The following RANBP2 variants were observed in gnomAD, a reference collection of about 807,000 sequenced individuals.
RANBP2 encodes E3 SUMO-protein ligase RanBP2.
A neutral mutation model predicts 303.6 loss-of-function variants in RANBP2; 57 were observed. The ratio of observed to expected loss-of-function variants is 0.19; its 90% CI spans 0.15 to 0.23. The LOEUF (loss-of-function observed/expected upper bound fraction) is 0.23. Ranked by LOEUF, RANBP2 falls within the 10% of genes least tolerant of loss-of-function variation. RANBP2 has a pLI of 1.00. For missense variants in RANBP2, 3,138 were observed against 3,780.8 expected (o/e 0.83, Z 4.46); for synonymous variants, 1,167 against 1,301.5 (o/e 0.90, Z 2.23).
At chr2:109,578,324 G>A in the RANBP2 span, among the ~76,000 whole-genome samples, 317 of 152,274 alleles carry the variant, frequency 2.1e-3, no homozygotes, top group African/African-American at 6.7e-3. Context: ...AAGGTTGAAA[G>A]TAAAGGGACT....
the RANBP2 span, among the ~76,000 whole-genome samples, chr2:108,941,831 T>C: frequency 6.6e-6 from 1 of 152,240 alleles, no homozygotes; most frequent in South Asian, 2.1e-4. Context: ...ACTTCTGCCC[T>C]GGTCCCAGCA....
At chr2:109,114,222 C>T in the RANBP2 span, among the ~76,000 whole-genome samples, 1 of 152,210 alleles carries the variant, frequency 6.6e-6, no homozygotes, top group African/African-American at 2.4e-5. Flanking sequence ...ACCAGTTCCT[C>T]CTTGTACCTC....
At chr2:109,141,915 T>A in the RANBP2 span, among the ~76,000 whole-genome samples, 1 of 152,004 alleles carries the variant, frequency 6.6e-6, no homozygotes, top group Non-Finnish European at 1.5e-5. Context: ...TCCTGCAAGC[T>A]CTGCAGGTGG....
the RANBP2 span, among the ~76,000 whole-genome samples, chr2:109,622,247 T>A: frequency 6.6e-6 from 1 of 152,194 alleles, no homozygotes; most frequent in Non-Finnish European, 1.5e-5. Flanking sequence ...ACAAAGCTAG[T>A]TCTTAGCAGT....
In RANBP2 at chr2:108,763,417, G is replaced by A; in HGVS notation, c.2878G>A (p.Asp960Asn). 3 of 1,614,004 alleles carry A rather than the reference G, an allele frequency of 1.9e-6. No individual in the cohort carries two copies. The African/African-American group carries it at 4.0e-5, about 22-fold the overall frequency. Residue 960 changes from aspartate to asparagine, a missense_variant, in exon 20 of 29, where the codon GAT becomes AAT. Physicochemically the swap from Asp to Asn is conservative, Grantham distance 23. Around this residue, in one of 20 missense-constraint regions of RANBP2, gnomAD observed 403 missense variants for 376.7 expected, o/e 1.07. Transcript: ENST00000283195. Reference sequence around the variant, plus strand: ...GGGAATTCTATCGCCCAGGGGTGATGATTACTTTAATTACAATGTTCAACA... The same window carrying A: ...GGGAATTCTATCGCCCAGGGGTGATAATTACTTTAATTACAATGTTCAACA... The part of the protein sequence containing the change: ...ATGILSPRGD[D>N]YFNYNVQQTS...
the RANBP2 span, chr2:109,585,086 A>G: frequency 7.4e-7 from 1 of 1,351,252 alleles, no homozygotes; most frequent in East Asian, 2.4e-5. Flanking sequence ...ATGTCTTGAA[A>G]TAAGAAAAAC....
At chr2:108,791,769 A>G in the RANBP2 span, 1 of 1,598,134 alleles carries the variant, frequency 6.3e-7, no homozygotes, top group Non-Finnish European at 8.5e-7. Context: ...TACCTCGAAA[A>G]TAACCAAGCA....
chr2:109,588,663 G>A, the RANBP2 span, among the ~76,000 whole-genome samples: 2 of 151,814 alleles, frequency 1.3e-5, no homozygotes, highest in African/African-American at 4.8e-5. Flanking sequence ...GCTAATTTTT[G>A]TATTTTTAAT....
the RANBP2 span, among the ~76,000 whole-genome samples, chr2:109,191,150 G>A: frequency 6.6e-6 from 1 of 152,122 alleles, no homozygotes; most frequent in African/African-American, 2.4e-5. Flanking sequence ...TGAGAGTAGA[G>A]GGTCCCCAAC....
chr2:109,034,614 C>A, the RANBP2 span, among the ~76,000 whole-genome samples: 1 of 152,340 alleles, frequency 6.6e-6, no homozygotes, highest in African/African-American at 2.4e-5. Context: ...TGGCTCAGGC[C>A]ACTTCATGGA....
chr2:109,116,051 T>G, the RANBP2 span, among the ~76,000 whole-genome samples: 1 of 152,178 alleles, frequency 6.6e-6, no homozygotes, highest in African/African-American at 2.4e-5. Flanking sequence ...TTTCTCTCTG[T>G]TTGCCCTTAA....
the RANBP2 span, among the ~76,000 whole-genome samples, chr2:108,945,807 TGAAAG>T: frequency 6.6e-6 from 1 of 152,138 alleles, no homozygotes; most frequent in Non-Finnish European, 1.5e-5. Context: ...AAGCCAGTCA[TGAAAG>T]GACAAATATC....
chr2:109,047,199 C>T, the RANBP2 span, among the ~76,000 whole-genome samples: 1 of 152,182 alleles, frequency 6.6e-6, no homozygotes, highest in Non-Finnish European at 1.5e-5. Flanking sequence ...CCCTGGGCCT[C>T]AACACAGCCC....
the RANBP2 span, among the ~76,000 whole-genome samples, chr2:109,285,675 G>C: frequency 9.9e-5 from 15 of 152,196 alleles, no homozygotes; most frequent in Admixed American, 5.9e-4. Flanking sequence ...ATGGGGAAAA[G>C]TTCACTTGGG....
chr2:109,536,052 T>TGGG, the RANBP2 span, among the ~76,000 whole-genome samples: 12 of 87,576 alleles, frequency 1.4e-4, no homozygotes, highest in African/African-American at 5.0e-4. Flanking sequence ...TGGGTGGGGG[T>TGGG]GGGGGGGGGG....
At chr2:109,101,450 T>G in the RANBP2 span, among the ~76,000 whole-genome samples, 1 of 151,744 alleles carries the variant, frequency 6.6e-6, no homozygotes, top group Non-Finnish European at 1.5e-5. Context: ...TGGCGGGAAC[T>G]CGGGAGGTGG....
At chr2:109,078,613 A>G in the RANBP2 span, among the ~76,000 whole-genome samples, 2 of 149,844 alleles carry the variant, frequency 1.3e-5, no homozygotes, top group East Asian at 1.9e-4. Context: ...CATGAGGACT[A>G]TGGTTAACAA....
chr2:108,890,924 T>G, the RANBP2 span, among the ~76,000 whole-genome samples: 3 of 152,218 alleles, frequency 2.0e-5, no homozygotes, highest in Non-Finnish European at 4.4e-5. Flanking sequence ...CTGAGATTCT[T>G]TATTCTCCCT....
At chr2:109,170,049 A>G in the RANBP2 span, among the ~76,000 whole-genome samples, 2 of 152,306 alleles carry the variant, frequency 1.3e-5, no homozygotes, top group Admixed American at 6.5e-5. Context: ...TATAGTTTTG[A>G]TAATCATGGC....
Sources: gnomAD v4.1 joint callset for allele counts (sites outside exome capture counted in the v4.1 genomes callset) on GRCh38, gnomAD v4.1.1 for gene constraint, gnomAD v4.1.1 regional missense constraint, MANE v1.5 for transcripts, NCBI Gene and HGNC (gene_info 2026-07-23, HGNC 2026-07-21) for gene names.